The following PARN variants were observed in gnomAD, a reference collection of about 807,000 sequenced individuals.
PARN encodes the protein poly(A)-specific ribonuclease PARN.
PARN carries 71 observed loss-of-function variants against 102.8 expected under a neutral mutation model. That is an observed-to-expected ratio of 0.69 (90% CI 0.57 to 0.84). The LOEUF (loss-of-function observed/expected upper bound fraction) is 0.84, where lower values mean the gene tolerates loss of function less well. Ranked by LOEUF, PARN falls within the 40% of genes least tolerant of loss-of-function variation. PARN has a pLI of 0.00. For missense variants in PARN, 782 were observed against 760.9 expected (o/e 1.03, Z -0.33); for synonymous variants, 261 against 252.9 (o/e 1.03, Z -0.30).
intron 5 of PARN, among the ~76,000 whole-genome samples, chr16:14,620,249 C>T (rs1336951513): frequency 1.3e-5 from 2 of 151,506 alleles, no homozygotes; most frequent in African/African-American, 4.9e-5. Flanking sequence ...CGGTAGTGGG[C>T]ACCTGTAGTC....
At chr16:14,498,826 A>G (rs1964446027) in intron 21 of PARN, among the ~76,000 whole-genome samples, 1 of 152,262 alleles carries the variant, frequency 6.6e-6, no homozygotes, top group African/African-American at 2.4e-5. Context: ...GGAAATGGAT[A>G]AAGAATGAGG....
intron 13 of PARN, among the ~76,000 whole-genome samples, chr16:14,591,098 G>C (rs1456515117): frequency 6.6e-6 from 1 of 151,962 alleles, no homozygotes; most frequent in Non-Finnish European, 1.5e-5. Context: ...TTATTAAAAA[G>C]ATATGGGGAA....
At chr16:14,462,231 C>T (rs1462325430) in intron 22 of PARN, among the ~76,000 whole-genome samples, 5 of 150,928 alleles carry the variant, frequency 3.3e-5, no homozygotes, top group Admixed American at 3.3e-4. Context: ...ATTGTGAAGA[C>T]AAGAATTCTT....
rs778344237 is a variant in PARN, at chr16:14,580,840, A to G, written c.1262+34T>C. On this transcript the variant is annotated intron_variant, in intron 18 of 23. Coordinates refer to ENST00000437198, the MANE Select transcript of PARN (RefSeq NM_002582.4). ...AGATATGAGGCTGTTCCACAGTGAG[A>G]GAACTTGGAAACTGGAACTCTCTGA... The G allele has an allele frequency of 3.8e-6, 5 of 1,314,654 alleles. No homozygotes were observed. The South Asian group carries it at 4.8e-5, about 13-fold the overall frequency. The allele number at this position is 1,314,654 out of a possible 1,614,324, so 81.4% of individuals were successfully genotyped here.
At position 14,493,301 on chromosome 16, in the gene PARN, G is replaced by A. The variant is rs144445533; in HGVS notation, c.1481-10474C>T. ...TGCAATCACGGCTCACTGTAGCCTC[G>A]AGTTTCTGGGCTCAAGCAATCCTCC... On this transcript the variant is annotated intron_variant, in intron 21 of 23. Transcript: ENST00000437198. Among the ~76,000 whole-genome samples, 669 of 152,214 alleles carry A rather than the reference G, an allele frequency of 4.4e-3. 4 individuals carry two copies. Among genetic ancestry groups the A allele is most frequent in the African/African-American group, 0.016 (645 of 41,534 alleles).
At chr16:14,555,930 A>G (rs1033964312) in intron 18 of PARN, among the ~76,000 whole-genome samples, 7 of 151,754 alleles carry the variant, frequency 4.6e-5, no homozygotes, top group African/African-American at 1.7e-4. Flanking sequence ...CAGTGGTGTG[A>G]TCTTGGCTCA....
At chr16:14,610,981 T>G (rs570324928) in intron 6 of PARN, among the ~76,000 whole-genome samples, 172 bp from the exon 7 acceptor site, 1 of 151,360 alleles carries the variant, frequency 6.6e-6, no homozygotes, top group South Asian at 2.1e-4. Context: ...ATTCATCCAT[T>G]CATTCAGTCT....
chr16:14,596,011 C>G (rs1041102433), intron 12 of PARN, among the ~76,000 whole-genome samples: 1 of 152,154 alleles, frequency 6.6e-6, no homozygotes, highest in African/African-American at 2.4e-5. Flanking sequence ...TACAGAGAGA[C>G]ACAGAAATAT....
intron 13 of PARN, among the ~76,000 whole-genome samples, chr16:14,591,390 T>TA (rs11352789): frequency 4.6e-4 from 64 of 139,092 alleles, no homozygotes; most frequent in East Asian, 1.7e-3. Flanking sequence ...ACTCCATCTC[T>TA]AAAAAAAAAA....
intron 22 of PARN, among the ~76,000 whole-genome samples, chr16:14,454,575 A>G (rs1961599350): frequency 6.6e-6 from 1 of 152,094 alleles, no homozygotes; most frequent in Non-Finnish European, 1.5e-5. Context: ...AGTCGCTTCA[A>G]GTTCATTTTA....
At chr16:14,547,804 T>C (rs1281550475) in intron 21 of PARN, among the ~76,000 whole-genome samples, 3 of 151,946 alleles carry the variant, frequency 2.0e-5, no homozygotes, top group East Asian at 1.9e-4. Context: ...ACTCCTTAAA[T>C]GTAAATCAGA....
At chr16:14,628,969 G>T (rs1400366552) in intron 2 of PARN, among the ~76,000 whole-genome samples, 1 of 152,216 alleles carries the variant, frequency 6.6e-6, no homozygotes, top group African/African-American at 2.4e-5. Context: ...GGCAGGCAAT[G>T]AACACGTCCA....
intron 21 of PARN, among the ~76,000 whole-genome samples, chr16:14,521,354 G>A (rs765504735): frequency 6.6e-6 from 1 of 152,104 alleles, no homozygotes; most frequent in Non-Finnish European, 1.5e-5. Context: ...AGGTCCCTGC[G>A]TCACCCCATC....
intron 23 of PARN, among the ~76,000 whole-genome samples, chr16:14,445,341 A>G (rs1961148973): frequency 6.6e-6 from 1 of 152,184 alleles, no homozygotes; most frequent in South Asian, 2.1e-4. Context: ...AACTCCCCAC[A>G]GTCAGATCGG....
intron 21 of PARN, among the ~76,000 whole-genome samples, chr16:14,506,619 G>A (rs746835722): frequency 2.3e-4 from 35 of 152,314 alleles, no homozygotes; most frequent in Non-Finnish European, 4.3e-4. Flanking sequence ...GTGTATATAT[G>A]TGTGTGTCTG....
intron 21 of PARN, among the ~76,000 whole-genome samples, chr16:14,484,807 A>G (rs545487347): frequency 6.6e-6 from 1 of 152,344 alleles, no homozygotes; most frequent in Non-Finnish European, 1.5e-5. Context: ...TCTAAAAAAC[A>G]GAACAAAACA....
At position 14,608,083 on chromosome 16, in the gene PARN, G is replaced by A; in HGVS notation, c.659+198C>T. ...ACCAAAGTGATAATTATTTTAAGAA[G>A]CCTTAAAGCATCTGTTAAAAAACAA... On this transcript the variant is annotated intron_variant, in intron 9 of 23. Transcript: ENST00000437198. 8.5e-6 allele frequency: 5 copies of A among 591,046 alleles called. No individual in the cohort carries two copies. In the South Asian group the frequency reaches 1.2e-4, roughly 14 times the overall value. The allele number at this position is 591,046 out of a possible 1,614,324, so 36.6% of individuals were successfully genotyped here. A position where few individuals can be genotyped will look rare whatever the true frequency, so the allele number is the denominator to read the frequency against.
Position 14,521,159 on chromosome 16 carries a change from T to C in PARN, c.1480+30862A>G, listed in dbSNP as rs944171309. ...TCAAGGGCTTCTGTAATGTACACTT[T>C]GGCAAACCTAAACATTCCCTTTTCT... On this transcript the variant is annotated intron_variant, in intron 21 of 23. Coordinates refer to ENST00000437198, the MANE Select transcript of PARN (RefSeq NM_002582.4). Among the ~76,000 whole-genome samples, 6 of 152,238 alleles carry C rather than the reference T, an allele frequency of 3.9e-5. 1 individual carries two copies. The highest frequency in any genetic ancestry group is 5.9e-5 in the Non-Finnish European group (4 of 68,036).
chr16:14,546,533 T>C (rs1966956063), intron 21 of PARN, among the ~76,000 whole-genome samples: 1 of 152,226 alleles, frequency 6.6e-6, no homozygotes, highest in Non-Finnish European at 1.5e-5. Context: ...TTTTAAAAAG[T>C]TTCTTACAGT....
Sources: gnomAD v4.1 joint callset for allele counts (sites outside exome capture counted in the v4.1 genomes callset) on GRCh38, gnomAD v4.1.1 for gene constraint, MANE v1.5 for transcripts, NCBI Gene and HGNC (gene_info 2026-07-23, HGNC 2026-07-21) for gene names.